TTC29: variants seen among roughly 807,000 people sequenced by gnomAD.
TTC29 encodes tetratricopeptide repeat protein 29.
A neutral mutation model predicts 58.1 loss-of-function variants in TTC29; 49 were observed. The ratio of observed to expected loss-of-function variants is 0.84; its 90% confidence interval spans 0.67 to 1.07. The LOEUF is 1.07. TTC29 is among the 50% of genes least tolerant of loss of function. The probability of loss-of-function intolerance (pLI) is 0.00; values close to 1 mark genes in which losing one functional copy is unlikely to be tolerated. For missense variants in TTC29, 582 were observed against 555.6 expected (o/e 1.05, Z -0.48); for synonymous variants, 209 against 196.8 (o/e 1.06, Z -0.52).
intron 2 of TTC29, among the ~76,000 whole-genome samples, chr4:146,940,662 T>C (rs1235094421): frequency 6.6e-6 from 1 of 152,218 alleles, no homozygotes; most frequent in African/African-American, 2.4e-5. Flanking sequence ...TAGTGGTTGA[T>C]GCTGTTAGCT....
intron 11 of TTC29, among the ~76,000 whole-genome samples, chr4:146,720,598 A>T (rs111249423): frequency 7.2e-5 from 11 of 152,236 alleles, no homozygotes; most frequent in Middle Eastern, 3.4e-3. Flanking sequence ...CTTTTCAGAG[A>T]AAGTGAGGAC....
intron 8 of TTC29, among the ~76,000 whole-genome samples, chr4:146,842,321 T>C (rs2150170688): frequency 6.6e-6 from 1 of 152,206 alleles, no homozygotes; most frequent in East Asian, 1.9e-4. Context: ...AATCTGTAAC[T>C]CTCACCTGCC....
chr4:146,850,273 G>C (rs1729435545), intron 8 of TTC29, among the ~76,000 whole-genome samples: 1 of 152,154 alleles, frequency 6.6e-6, no homozygotes, highest in Admixed American at 6.5e-5. Context: ...AAGTTAAGGA[G>C]ACAAAAGCAC....
At chr4:146,757,925 C>CAA (rs140669655) in intron 11 of TTC29, among the ~76,000 whole-genome samples, 20 of 148,704 alleles carry the variant, frequency 1.3e-4, no homozygotes, top group South Asian at 6.4e-4. Flanking sequence ...AAACCAAAAC[C>CAA]AAAAAAAAAC....
At chr4:146,886,466 C>T (rs1561220729) in intron 6 of TTC29, among the ~76,000 whole-genome samples, 1 of 152,054 alleles carries the variant, frequency 6.6e-6, no homozygotes, top group African/African-American at 2.4e-5. Context: ...ACTAAAATGG[C>T]ATCAAGGATT....
chr4:146,790,329 C>A (rs1579679522), intron 11 of TTC29, among the ~76,000 whole-genome samples: 1 of 152,142 alleles, frequency 6.6e-6, no homozygotes, highest in East Asian at 1.9e-4. Flanking sequence ...GCTGGGACTA[C>A]AGGCGCCCGC....
chr4:146,890,148 A>G (rs989749728), intron 6 of TTC29, among the ~76,000 whole-genome samples: 1 of 152,174 alleles, frequency 6.6e-6, no homozygotes, highest in African/African-American at 2.4e-5. Context: ...TTAAACAACA[A>G]AAATTTATGG....
At chr4:146,915,525 C>G (rs1039980276) in intron 4 of TTC29, among the ~76,000 whole-genome samples, 1 of 151,748 alleles carries the variant, frequency 6.6e-6, no homozygotes, top group African/African-American at 2.4e-5. Flanking sequence ...TAAACTCTAA[C>G]GGGAAAAACA....
At chr4:146,762,474 T>C (rs1021769051) in intron 11 of TTC29, among the ~76,000 whole-genome samples, 1 of 151,790 alleles carries the variant, frequency 6.6e-6, no homozygotes, top group Non-Finnish European at 1.5e-5. Context: ...TCTCCTTGGA[T>C]AACGTATATA....
intron 7 of TTC29, 55 bp downstream of exon 7, chr4:146,874,661 G>T: frequency 1.5e-6 from 2 of 1,369,254 alleles, no homozygotes; most frequent in Non-Finnish European, 2.0e-6. Context: ...ACTCTTGGGA[G>T]AAACAGTGTC....
intron 5 of TTC29, among the ~76,000 whole-genome samples, chr4:146,906,894 G>A (rs551662040): frequency 1.3e-5 from 2 of 152,296 alleles, no homozygotes; most frequent in Admixed American, 6.5e-5. Context: ...GACCAAGGTA[G>A]GAGAATCACT....
At chr4:146,806,448 A>C (rs1750620775) in intron 10 of TTC29, among the ~76,000 whole-genome samples, 1 of 152,254 alleles carries the variant, frequency 6.6e-6, no homozygotes, top group South Asian at 2.1e-4. Context: ...AAATTTGATA[A>C]AGACTGAAGA....
chr4:146,722,412 A>ATT (rs1743436789), intron 11 of TTC29, among the ~76,000 whole-genome samples: 1 of 152,188 alleles, frequency 6.6e-6, no homozygotes, highest in South Asian at 2.1e-4. Flanking sequence ...ACACTACCCA[A>ATT]CTTCAAACTA....
At chr4:146,790,311 C>T (rs1749345020) in intron 11 of TTC29, among the ~76,000 whole-genome samples, 1 of 151,954 alleles carries the variant, frequency 6.6e-6, no homozygotes, top group African/African-American at 2.4e-5. Context: ...GCCTCAGCCT[C>T]CTAAGTAGCT....
chr4:146,781,923 C>T (rs138494549), intron 11 of TTC29, among the ~76,000 whole-genome samples: 5 of 151,696 alleles, frequency 3.3e-5, no homozygotes, highest in African/African-American at 9.7e-5. Flanking sequence ...AAGAGAAAAC[C>T]TTGACTTTTA....
chr4:146,816,185 G>T (rs1751395302), intron 10 of TTC29, among the ~76,000 whole-genome samples: 1 of 152,072 alleles, frequency 6.6e-6, no homozygotes, highest in Non-Finnish European at 1.5e-5. Flanking sequence ...CTGGGTATTT[G>T]CACTATCTTC....
At chr4:146,892,080 G>A (rs1435228461) in intron 6 of TTC29, among the ~76,000 whole-genome samples, 1 of 152,142 alleles carries the variant, frequency 6.6e-6, no homozygotes, top group East Asian at 1.9e-4. Context: ...CAGTGTTGGA[G>A]GAGGTATCTG....
chr4:146,780,283 A>G (rs1183679051), intron 11 of TTC29, among the ~76,000 whole-genome samples: 2 of 137,096 alleles, frequency 1.5e-5, no homozygotes, highest in Non-Finnish European at 3.1e-5. Flanking sequence ...CATTTTCTGA[A>G]TGAGTCTTCC....
intron 11 of TTC29, among the ~76,000 whole-genome samples, chr4:146,764,380 CATT>C (rs1747134340): frequency 6.6e-6 from 1 of 152,022 alleles, no homozygotes; most frequent in Non-Finnish European, 1.5e-5. Flanking sequence ...TAACCCCTCT[CATT>C]GTGGCGGTGG....
Sources: gnomAD v4.1 joint callset for allele counts (sites outside exome capture counted in the v4.1 genomes callset) on GRCh38, gnomAD v4.1.1 for gene constraint, MANE v1.5 for transcripts, NCBI Gene and HGNC (gene_info 2026-07-23, HGNC 2026-07-21) for gene names.